Variants in CFTR observed in about 807,000 individuals in gnomAD.
The protein encoded by CFTR is CF transmembrane conductance regulator.
A neutral mutation model predicts 171.6 loss-of-function variants in CFTR; 181 were observed. The ratio of observed to expected loss-of-function variants is 1.05; its 90% CI spans 0.93 to 1.19. The LOEUF is 1.19. Ranked by LOEUF, CFTR falls within the 50% of genes most tolerant of loss-of-function variation. CFTR has a pLI of 0.00. For missense variants in CFTR, 1,968 were observed against 1,734.7 expected (o/e 1.13, Z -2.39); for synonymous variants, 583 against 608.0 (o/e 0.96, Z 0.60).
intron 3 of CFTR, among the ~76,000 whole-genome samples, chr7:117,519,706 C>G (rs553989159): frequency 6.4e-4 from 97 of 152,042 alleles, no homozygotes; most frequent in East Asian, 6.2e-3. Context: ...ATCTGCTTCT[C>G]CCTTTAATGT....
At chr7:117,646,238 G>A (rs766491382) in intron 23 of CFTR, among the ~76,000 whole-genome samples, 24 of 152,138 alleles carry the variant, frequency 1.6e-4, no homozygotes, top group Non-Finnish European at 5.9e-5. Context: ...ATGCTGTGCT[G>A]TGGTGGTTGT....
chr7:117,482,528 A>G lies in CFTR; in HGVS notation c.53+2381A>G, dbSNP rs936994417. Among the ~76,000 whole-genome samples the G allele has an allele frequency of 5.9e-5, 9 of 152,302 alleles. No individual in the cohort carries two copies. The South Asian group carries it at 1.9e-3, about 32-fold the overall frequency. On this transcript the variant is annotated intron_variant, in intron 1 of 26. Transcript: ENST00000003084. ...GAGAGAATTTCACCATGAAAAATTC[A>G]GGTAGTTCATGACTATCAGAGCAAA...
chr7:117,643,568 A>G (rs1331881254), intron 23 of CFTR, among the ~76,000 whole-genome samples: 3 of 152,120 alleles, frequency 2.0e-5, no homozygotes, highest in African/African-American at 7.2e-5. Flanking sequence ...ATTTGTCTAG[A>G]CTTTGTCATG....
chr7:117,623,240 A>G (rs1670722244), intron 21 of CFTR, among the ~76,000 whole-genome samples: 1 of 152,286 alleles, frequency 6.6e-6, no homozygotes, highest in African/African-American at 2.4e-5. Context: ...TTCATCTTCT[A>G]TTTCTCAAAG....
chr7:117,658,654 C>T (rs1793218009), intron 24 of CFTR, among the ~76,000 whole-genome samples: 1 of 152,130 alleles, frequency 6.6e-6, no homozygotes, highest in African/African-American at 2.4e-5. Context: ...GGCATCCCAT[C>T]CTCCAGTTTC....
chr7:117,529,835 G>A (rs1232823936), intron 3 of CFTR, among the ~76,000 whole-genome samples: 2 of 152,122 alleles, frequency 1.3e-5, no homozygotes, highest in African/African-American at 2.4e-5. Flanking sequence ...GTAGGCTGCA[G>A]TCTTTCTTGG....
chr7:117,516,970 A>C (rs1390598423), intron 3 of CFTR, among the ~76,000 whole-genome samples: 1 of 151,702 alleles, frequency 6.6e-6, no homozygotes, highest in Non-Finnish European at 1.5e-5. Flanking sequence ...TTTATTTTTT[A>C]TTATTATACT....
chr7:117,655,880 C>CA (rs1471308947), intron 24 of CFTR, among the ~76,000 whole-genome samples: 1 of 152,068 alleles, frequency 6.6e-6, no homozygotes, highest in South Asian at 2.1e-4. Flanking sequence ...TGTTACATGG[C>CA]AGAAGAGTGG....
intron 11 of CFTR, among the ~76,000 whole-genome samples, chr7:117,561,570 A>G (rs1799465093): frequency 1.3e-5 from 2 of 152,168 alleles, no homozygotes; most frequent in South Asian, 4.1e-4. Context: ...AAATAATATA[A>G]TAGGGTTTTT....
At chr7:117,541,261 A>AG (rs2115879598) in intron 8 of CFTR, among the ~76,000 whole-genome samples, 1 of 152,264 alleles carries the variant, frequency 6.6e-6, no homozygotes, top group East Asian at 1.9e-4. Flanking sequence ...AGAGAGAGAG[A>AG]AAGAAAGAAG....
At chr7:117,577,130 G>A (rs951486299) in intron 11 of CFTR, among the ~76,000 whole-genome samples, 1 of 152,120 alleles carries the variant, frequency 6.6e-6, no homozygotes, top group Non-Finnish European at 1.5e-5. Context: ...TAGAGGACAG[G>A]CATTTTAGAC....
chr7:117,620,909 C>T (rs894941019), intron 21 of CFTR, among the ~76,000 whole-genome samples: 2 of 152,052 alleles, frequency 1.3e-5, no homozygotes, highest in Non-Finnish European at 2.9e-5. Context: ...GAGTTGAAGA[C>T]CAAGCTGGTC....
chr7:117,482,214 ATG>A (rs1384005874), intron 1 of CFTR, among the ~76,000 whole-genome samples: 1 of 152,190 alleles, frequency 6.6e-6, no homozygotes, highest in African/African-American at 2.4e-5. Flanking sequence ...AACACGTCAC[ATG>A]TTTCTATTGT....
At chr7:117,518,862 A>G (rs1373427444) in intron 3 of CFTR, among the ~76,000 whole-genome samples, 1 of 152,172 alleles carries the variant, frequency 6.6e-6, no homozygotes, top group African/African-American at 2.4e-5. Context: ...GCACAAGAAT[A>G]TATTTTACTA....
chr7:117,539,138 G>A (rs1799005485), intron 7 of CFTR, among the ~76,000 whole-genome samples: 1 of 152,064 alleles, frequency 6.6e-6, no homozygotes, highest in Non-Finnish European at 1.5e-5. Flanking sequence ...GAGCTGGGTG[G>A]GGAGGATCAC....
intron 24 of CFTR, among the ~76,000 whole-genome samples, chr7:117,659,356 G>T (rs576905895): frequency 6.6e-6 from 1 of 152,192 alleles, no homozygotes; most frequent in Non-Finnish European, 1.5e-5. Flanking sequence ...GTTCCTGGAG[G>T]TCAGGGATTA....
intron 1 of CFTR, among the ~76,000 whole-genome samples, chr7:117,487,549 G>C (rs1046709226): frequency 3.3e-5 from 5 of 152,036 alleles, no homozygotes; most frequent in Non-Finnish European, 5.9e-5. Flanking sequence ...ATAAAAATAG[G>C]AGCTCACCTA....
At chr7:117,614,848 A>C (rs1025407688) in intron 21 of CFTR, 135 bp downstream of exon 21, 9 of 681,146 alleles carry the variant, frequency 1.3e-5, no homozygotes, top group Admixed American at 1.0e-4. Flanking sequence ...ATTGAGGGTC[A>C]CTGTGTATCT....
chr7:117,570,207 AC>A (rs1454652431), intron 11 of CFTR, among the ~76,000 whole-genome samples: 4 of 151,520 alleles, frequency 2.6e-5, no homozygotes, highest in African/African-American at 7.3e-5. Context: ...AAAAAAAAAA[AC>A]AAACAAAAAA....
Sources: gnomAD v4.1 joint callset for allele counts (sites outside exome capture counted in the v4.1 genomes callset) on GRCh38, gnomAD v4.1.1 for gene constraint, MANE v1.5 for transcripts, NCBI Gene and HGNC (gene_info 2026-07-23, HGNC 2026-07-21) for gene names.